Variants in SNAP47 observed in about 807,000 individuals in gnomAD.
SNAP47 encodes the protein synaptosome associated protein 47, also known as synaptosomal-associated protein 47.
A neutral mutation model predicts 31.4 loss-of-function variants in SNAP47; 20 were observed. The observed-to-expected ratio is 0.64, with a 90% CI of 0.45 to 0.93. SNAP47 has a LOEUF of 0.93. Among genes scored for constraint, SNAP47 ranks in the 40% least tolerant of loss-of-function variants. The pLI is 0.00. For synonymous variants in SNAP47, 194 were observed against 213.4 expected, an observed-to-expected ratio of 0.91 and a Z score of 0.79; for missense variants, 492 against 528.5, an observed-to-expected ratio of 0.93 and a Z score of 0.68.
chr1:227,732,893 G>A (rs1255928163), upstream of SNAP47: 15 of 1,612,590 alleles, frequency 9.3e-6, no homozygotes, highest in African/African-American at 1.3e-5. Flanking sequence ...GGCAGTGGTG[G>A]TGCCAGTCGG....
upstream of SNAP47, chr1:227,734,854 C>T: frequency 6.2e-7 from 1 of 1,610,978 alleles, no homozygotes; most frequent in Non-Finnish European, 8.5e-7. Context: ...TCTCCCTGGG[C>T]CCCGTCCTCA....
Position 227,763,843 on chromosome 1 carries a change from GAGAC to G in SNAP47, c.989-3109_989-3106del, listed in dbSNP as rs1312796722. Among the ~76,000 whole-genome samples the G allele has an allele frequency of 6.6e-6, 1 of 152,332 alleles. No individual in the cohort carries two copies. Among genetic ancestry groups the G allele is most frequent in the Non-Finnish European group, 1.5e-5 (1 of 68,022 alleles). ...CAGGGCTGAGGGAAGGGGCTTGCTG[GAGAC>G]AGACAGGCTGGTGGCCCAGGTCCCC... On this transcript the variant is annotated intron_variant, in intron 3 of 4. Coordinates refer to ENST00000617596, the MANE Select transcript of SNAP47 (RefSeq NM_053052.4). This position sits in a 1 kb window ranked among gnomAD's most constrained non-coding sequence, Gnocchi z 4.2.
chr1:227,780,874 T>A lies in SNAP47; in HGVS notation c.*201T>A. On this transcript the variant is annotated 3_prime_UTR_variant, in exon 5 of 5. Coordinates refer to ENST00000617596, the MANE Select transcript of SNAP47 (RefSeq NM_053052.4). The stretch of plus-strand genomic sequence containing the variant: ...CTGCCTCCCACTTGGCTGTCCCTGC[T>A]GCTGGGCAGGACCCGGCCACATGTT... 1 of 676,370 alleles carries A rather than the reference T, an allele frequency of 1.5e-6. No homozygotes were observed. The highest frequency in any genetic ancestry group is 2.4e-6 in the Non-Finnish European group (1 of 409,194). The allele number at this position is 676,370 out of a possible 1,614,324, so 41.9% of individuals were successfully genotyped here. A position where few individuals can be genotyped will look rare whatever the true frequency, so the allele number is the denominator to read the frequency against.
At position 227,763,652 on chromosome 1, in the gene SNAP47, G is replaced by A. The variant is rs919920545; in HGVS notation, c.989-3307G>A. ...GGCCTGGAGCCTATCAGAGGATGCC[G>A]CTCAGCCCCCACCTGCGCGTGCGTA... On this transcript the variant is annotated intron_variant, in intron 3 of 4. Transcript: ENST00000617596. The surrounding 1 kb of genome is among the most constrained non-coding windows in gnomAD (Gnocchi z 4.2). Among the ~76,000 whole-genome samples the A allele has an allele frequency of 6.6e-6, 1 of 152,166 alleles. No individual in the cohort carries two copies. Among genetic ancestry groups the A allele is most frequent in the Non-Finnish European group, 1.5e-5 (1 of 68,002 alleles).
At chr1:227,777,574 A>G (rs1311142611) in intron 4 of SNAP47, among the ~76,000 whole-genome samples, 1 of 152,194 alleles carries the variant, frequency 6.6e-6, no homozygotes, top group Non-Finnish European at 1.5e-5. Context: ...TAAAAGAAGA[A>G]TATGATGTAT....
chr1:227,759,664 C>T (rs1662938942), intron 3 of SNAP47, 179 bp downstream of exon 3: 9 of 737,378 alleles, frequency 1.2e-5, no homozygotes, highest in Non-Finnish European at 2.0e-5. Context: ...TTTCCTTGTA[C>T]TTGACATCTG....
chr1:227,775,786 C>T lies in SNAP47; in HGVS notation c.1114-4741C>T, dbSNP rs569258784. 4.6e-6 allele frequency: 6 copies of T among 1,303,838 alleles called. No individual in the cohort carries two copies. In the East Asian group the frequency reaches 1.7e-4, roughly 36 times the overall value. The allele number at this position is 1,303,838 out of a possible 1,614,324, so 80.8% of individuals were successfully genotyped here. A position where few individuals can be genotyped will look rare whatever the true frequency, so the allele number is the denominator to read the frequency against. On this transcript the variant is annotated intron_variant, in intron 4 of 4. Coordinates refer to ENST00000617596, the MANE Select transcript of SNAP47 (RefSeq NM_053052.4). ...GCTAAATTCTCTTGTTTTTGCTCTG[C>T]AGGGCTTCCGGCCTATGTCGCTGTC... is the stretch of plus-strand genomic sequence containing the variant.
rs1267176817 is a variant in SNAP47 at position 227,741,311 on chromosome 1, A to G, written c.-46+5812A>G. 6.6e-6 allele frequency among the ~76,000 whole-genome samples: 1 copy of G among 152,062 alleles called. No individual in the cohort carries two copies. Among genetic ancestry groups the G allele is most frequent in the Admixed American group, 6.5e-5 (1 of 15,268 alleles). On this transcript the variant is annotated intron_variant, in intron 1 of 4. Coordinates refer to ENST00000617596, the MANE Select transcript of SNAP47 (RefSeq NM_053052.4). The surrounding 1 kb of genome is among the most constrained non-coding windows in gnomAD (Gnocchi z 4.2). ...GCCCTGTGCAGTCAGGTGCATGAGG[A>G]GGCTATGGCCAAGGAGAGTGGACGC...
At chr1:227,774,043 A>G (rs1026227293) in intron 4 of SNAP47, among the ~76,000 whole-genome samples, 4 of 152,070 alleles carry the variant, frequency 2.6e-5, no homozygotes, top group Non-Finnish European at 1.5e-5. Context: ...GTTGGAGGAG[A>G]CACCTGCTGT....
chr1:227,777,905 T>A (rs1264571524), intron 4 of SNAP47, among the ~76,000 whole-genome samples: 1 of 152,134 alleles, frequency 6.6e-6, no homozygotes, highest in Non-Finnish European at 1.5e-5. Context: ...GTGCAATGAG[T>A]GTATCCTCAG....
At chr1:227,749,654 T>C (rs767812383) in intron 2 of SNAP47, among the ~76,000 whole-genome samples, 43 of 152,176 alleles carry the variant, frequency 2.8e-4, no homozygotes, top group Non-Finnish European at 2.9e-5. Flanking sequence ...GTCTGTTTCC[T>C]TTGTCTTTGG....
intron 1 of SNAP47, chr1:227,735,707 G>A (rs1410136759): frequency 8.1e-6 from 8 of 984,244 alleles, no homozygotes; most frequent in Non-Finnish European, 9.7e-6. Flanking sequence ...GGGCGCCCAG[G>A]GATGATGGGA....
At chr1:227,745,703 C>G (rs1661917414) in intron 1 of SNAP47, 1 of 152,208 alleles carries the variant, frequency 6.6e-6, no homozygotes, top group Non-Finnish European at 1.5e-5. Flanking sequence ...ATCAGTGTCA[C>G]AGCTGGAGAG....
rs868772309 is a variant in SNAP47 at position 227,735,466 on chromosome 1, C to T, written c.-79C>T. On this transcript the variant is annotated 5_prime_UTR_variant, in exon 1 of 5. Transcript: ENST00000617596. ...CAGGCGCCGAGCGGCCGAGGCGCCG[C>T]GGTCGGCTCTGGGACTCGTCTGGCG... is the stretch of plus-strand genomic sequence containing the variant. 23 of 1,436,202 alleles carry T rather than the reference C, an allele frequency of 1.6e-5. No individual in the cohort carries two copies. The highest frequency in any genetic ancestry group is 2.9e-5 in the Admixed American group (1 of 34,140). The allele number at this position is 1,436,202 out of a possible 1,614,324, so 89.0% of individuals were successfully genotyped here.
chr1:227,736,839 T>TA (rs1661236710), intron 1 of SNAP47, among the ~76,000 whole-genome samples: 1 of 151,906 alleles, frequency 6.6e-6, no homozygotes, highest in Admixed American at 6.6e-5. Flanking sequence ...GAGGTTTTGT[T>TA]AGGGGAACTT....
At chr1:227,759,763 C>T (rs1662944417) in intron 3 of SNAP47, 2 of 472,236 alleles carry the variant, frequency 4.2e-6, no homozygotes, top group Non-Finnish European at 7.6e-6. Context: ...TACAGTTTAT[C>T]CTCACCAAAG....
At chr1:227,734,116 A>T (rs976546298), upstream of SNAP47, 14 of 1,484,680 alleles carry the variant, frequency 9.4e-6, no homozygotes, top group Non-Finnish European at 1.3e-5. Context: ...ACTGAGACCA[A>T]TCGGCTCCAG....
chr1:227,766,131 G>A (rs1409931740), intron 3 of SNAP47, among the ~76,000 whole-genome samples: 1 of 152,146 alleles, frequency 6.6e-6, no homozygotes, highest in Non-Finnish European at 1.5e-5. Context: ...GCTGGCTGAG[G>A]TAGGAACCTG....
intron 3 of SNAP47, among the ~76,000 whole-genome samples, chr1:227,760,063 A>G (rs1016954451): frequency 6.6e-6 from 1 of 152,190 alleles, no homozygotes; most frequent in Admixed American, 6.5e-5. Context: ...TTCCCAGCCC[A>G]CAGAACTGTC....
Sources: allele counts gnomAD v4.1 joint callset (sites outside exome capture counted in the v4.1 genomes callset), GRCh38; gene constraint gnomAD v4.1.1; non-coding constraint Gnocchi (gnomAD v3.1); transcripts MANE v1.5; gene names NCBI Gene and HGNC (gene_info 2026-07-23, HGNC 2026-07-21).